SLC9A7: variants seen among roughly 807,000 people sequenced by gnomAD.
SLC9A7 encodes the protein solute carrier family 9 member A7, also known as sodium/hydrogen exchanger 7.
In SLC9A7, 19 loss-of-function variants were observed where a neutral mutation model predicts 52.6. The ratio of observed to expected loss-of-function variants is 0.36; its 90% CI spans 0.25 to 0.53. The LOEUF is 0.53. SLC9A7 is among the 20% of genes least tolerant of loss of function. The probability of loss-of-function intolerance (pLI) is 0.91; values close to 1 mark genes in which losing one functional copy is unlikely to be tolerated. For missense variants in SLC9A7, 455 were observed against 597.9 expected, an observed-to-expected ratio of 0.76 and a Z score of 2.49; for synonymous variants, 226 against 252.1, an observed-to-expected ratio of 0.90 and a Z score of 0.98.
In SLC9A7 at chrX:46,648,794, C is replaced by T; in HGVS notation, c.1354G>A (p.Ala452Thr). 8.4e-7 allele frequency: 1 copy of T among 1,194,285 alleles called. No individual in the cohort carries two copies. The highest frequency in any genetic ancestry group is 1.1e-6 in the Non-Finnish European group (1 of 879,920). ...TGCGCGGCTCTGCCCAGGAAGATGG[C>T]AACCTGACCACAAGGTAGAAGGTTA... ...SPIFIIGAFV[A>T]IFLGRAAHIY... The change falls in exon 11 of 17, where the codon GCC (alanine) becomes ACC (threonine). Residue 452 changes from alanine to threonine, a missense_variant. Physicochemically the swap from Ala to Thr is moderately conservative, Grantham distance 58. This residue lies in a region of SLC9A7 where 304 missense variants were observed against 417.8 expected (regional missense o/e 0.73). Coordinates refer to ENST00000616978, the MANE Select transcript of SLC9A7 (RefSeq NM_001257291.2).
At chrX:46,626,782 G>A (rs535047880) in intron 14 of SLC9A7, among the ~76,000 whole-genome samples, 1 of 112,195 alleles carries the variant, frequency 8.9e-6, no homozygotes, top group East Asian at 2.8e-4. Context: ...CTCCTGCTCC[G>A]CTATGGTAAG....
chrX:46,662,118 G>A lies in SLC9A7; in HGVS notation c.939C>T (p.His313=), dbSNP rs753424466. The change falls in exon 7 of 17, where the codon CAC becomes CAT. Residue 313 remains histidine (H), a synonymous_variant. Coordinates refer to ENST00000616978, the MANE Select transcript of SLC9A7 (RefSeq NM_001257291.2). ...TAAAAAAGGCAGCAGCATCAAAGGC[G>A]TGAGTGTTCAGTCCCGCTGGCTGGT... The part of the protein sequence containing the change: ...VAYQPAGLNT[H]AFDAAAFFKS... 55 of 1,208,270 alleles carry A rather than the reference G, an allele frequency of 4.6e-5. No individual in the cohort carries two copies. Among genetic ancestry groups the A allele is most frequent in the South Asian group, 1.4e-4 (8 of 56,610 alleles).
In SLC9A7 at chrX:46,606,517, C is replaced by T; in HGVS notation, c.*435G>A. ...TTCCCATAATCCTTGGAGTTCCGAT[C>T]TCAATTGCCTTCCTTCTCTTTAACT... is the stretch of plus-strand genomic sequence containing the variant. On this transcript the variant is annotated 3_prime_UTR_variant, in exon 17 of 17. Transcript: ENST00000616978. 1.3e-6 allele frequency: 1 copy of T among 765,091 alleles called. No homozygotes were observed. The allele number at this position is 765,091 out of a possible 1,213,427, so 63.1% of individuals were successfully genotyped here. A position where few individuals can be genotyped will look rare whatever the true frequency, so the allele number is the denominator to read the frequency against.
chrX:46,615,901 A>C (rs921620705), intron 15 of SLC9A7, among the ~76,000 whole-genome samples: 1 of 109,734 alleles, frequency 9.1e-6, no homozygotes, highest in Admixed American at 9.8e-5. Context: ...TCTTTTTTCC[A>C]ATTTTTTCTT....
intron 1 of SLC9A7, chrX:46,684,900 T>A: frequency 8.4e-6 from 1 of 119,159 alleles, no homozygotes; most frequent in South Asian, 3.2e-4. Flanking sequence ...TGGGTGTTCA[T>A]TACTGTTCTA....
chrX:46,731,432 TA>T (rs1945038336), intron 1 of SLC9A7, among the ~76,000 whole-genome samples: 1 of 78,248 alleles, frequency 1.3e-5, no homozygotes, highest in African/African-American at 4.0e-5. Context: ...TATAAAAAAT[TA>T]AAAAAAATTA....
Position 46,679,678 on chromosome X carries a change from C to T in SLC9A7, c.603G>A (p.Lys201=). 2 of 1,176,498 alleles carry T rather than the reference C, an allele frequency of 1.7e-6. No individual in the cohort carries two copies. Among genetic ancestry groups the T allele is most frequent in the Non-Finnish European group, 1.1e-6 (1 of 870,720 alleles). ...AGAAATACTGGCAAAAACATCTTACCTTCTTTAAGCTGTATCCAGCATGAA... is the reference window on the plus strand; with the variant it reads ...AGAAATACTGGCAAAAACATCTTACTTTCTTTAAGCTGTATCCAGCATGAA... ...IIFHAGYSLK[K]RHFFRNLGSI... Residue 201 remains lysine, a splice_region_variant and synonymous_variant, in exon 3 of 17, where the codon AAG becomes AAA. Coordinates refer to ENST00000616978, the MANE Select transcript of SLC9A7 (RefSeq NM_001257291.2).
intron 1 of SLC9A7, among the ~76,000 whole-genome samples, chrX:46,733,896 A>G (rs1240921668): frequency 8.9e-6 from 1 of 111,967 alleles, no homozygotes; most frequent in Non-Finnish European, 1.9e-5. Context: ...ATCCAACCAT[A>G]CGAATACTTA....
intron 1 of SLC9A7, among the ~76,000 whole-genome samples, chrX:46,748,144 C>T (rs1921913620): frequency 1.8e-5 from 2 of 110,031 alleles, no homozygotes; most frequent in African/African-American, 3.3e-5. Flanking sequence ...GTCAGGAGTT[C>T]GAGACCAGCC....
At chrX:46,608,246 G>A (rs185575297) in intron 16 of SLC9A7, among the ~76,000 whole-genome samples, 6,032 of 112,353 alleles carry the variant, frequency 0.054, 404 homozygotes, top group African/African-American at 0.19. Flanking sequence ...CCTCACAGTA[G>A]GTGCTAAGTG....
intron 1 of SLC9A7, among the ~76,000 whole-genome samples, chrX:46,702,548 T>TC (rs1944547004): frequency 8.9e-6 from 1 of 111,931 alleles, no homozygotes; most frequent in Admixed American, 9.5e-5. Flanking sequence ...GGTTTTCTGT[T>TC]CCTGTGTTAA....
chrX:46,614,864 A>C (rs1027885737), intron 15 of SLC9A7, among the ~76,000 whole-genome samples: 24 of 111,980 alleles, frequency 2.1e-4, no homozygotes, highest in African/African-American at 7.8e-4. Flanking sequence ...TGCCACCGCC[A>C]TCTGTACCTA....
intron 12 of SLC9A7, 69 bp from the exon 13 acceptor site, chrX:46,635,717 G>T (rs750801677): frequency 2.1e-5 from 16 of 762,661 alleles, no homozygotes; most frequent in Non-Finnish European, 3.0e-5. Context: ...CTGGGCAAAT[G>T]ATCTGGACCA....
intron 1 of SLC9A7, chrX:46,725,861 T>A: frequency 2.0e-6 from 1 of 492,169 alleles, no homozygotes; most frequent in South Asian, 2.6e-5. Context: ...AGCAAAACCA[T>A]AAACCACTTA....
chrX:46,655,024 AC>A (rs1943653324), intron 7 of SLC9A7, among the ~76,000 whole-genome samples: 1 of 84,947 alleles, frequency 1.2e-5, no homozygotes, highest in African/African-American at 4.8e-5. Context: ...TCGCTCTGTC[AC>A]CCAAGCTGGA....
At chrX:46,653,581 G>C (rs926792463) in intron 8 of SLC9A7, 28 bp downstream of exon 8, 1 of 1,071,334 alleles carries the variant, frequency 9.3e-7, no homozygotes, top group African/African-American at 1.8e-5. Flanking sequence ...GTGAGGGGAA[G>C]GGTGGTCCAA....
At chrX:46,710,775 T>C (rs1944675757) in intron 1 of SLC9A7, among the ~76,000 whole-genome samples, 1 of 111,913 alleles carries the variant, frequency 8.9e-6, no homozygotes, top group East Asian at 2.8e-4. Context: ...CCCATCAGGC[T>C]TTTCCAGTCT....
intron 1 of SLC9A7, among the ~76,000 whole-genome samples, chrX:46,757,897 C>A (rs1053801489): frequency 9.9e-5 from 11 of 111,506 alleles, no homozygotes; most frequent in African/African-American, 3.6e-4. Flanking sequence ...TCAGCCCACC[C>A]CTAACAACAA....
intron 8 of SLC9A7, among the ~76,000 whole-genome samples, chrX:46,652,190 T>C (rs946831564): frequency 4.5e-5 from 5 of 111,947 alleles, no homozygotes; most frequent in Non-Finnish European, 7.5e-5. Flanking sequence ...ATATTATATA[T>C]CCCTCAGTGG....
Sources: allele counts gnomAD v4.1 joint callset (sites outside exome capture counted in the v4.1 genomes callset), GRCh38; gene constraint gnomAD v4.1.1; regional missense constraint gnomAD v4.1.1; transcripts MANE v1.5; gene names NCBI Gene and HGNC (gene_info 2026-07-23, HGNC 2026-07-21).